IMMP2L: variants seen among roughly 807,000 people sequenced by gnomAD.
IMMP2L encodes the protein inner mitochondrial membrane peptidase subunit 2, also known as mitochondrial inner membrane protease subunit 2.
A neutral mutation model predicts 19.3 loss-of-function variants in IMMP2L; 18 were observed. The ratio of observed to expected loss-of-function variants is 0.93; its 90% CI spans 0.64 to 1.38. The LOEUF is 1.38. Among genes scored for constraint, IMMP2L ranks in the 40% most tolerant of loss-of-function variants. The pLI is 0.00. For synonymous variants in IMMP2L, 76 were observed against 73.0 expected (o/e 1.04, Z -0.21); for missense variants, 233 against 218.2 (o/e 1.07, Z -0.43).
chr7:111,296,121 T>C (rs1258020277), intron 3 of IMMP2L, among the ~76,000 whole-genome samples: 1 of 151,712 alleles, frequency 6.6e-6, no homozygotes, highest in East Asian at 1.9e-4. Flanking sequence ...GAGAAAATAT[T>C]TGCAATAAGT....
chr7:111,456,105 A>G (rs1271328549), intron 3 of IMMP2L, among the ~76,000 whole-genome samples: 2 of 151,900 alleles, frequency 1.3e-5, no homozygotes, highest in Non-Finnish European at 2.9e-5. Flanking sequence ...ACTGCTAGAA[A>G]TTTATGAATC....
chr7:111,121,027 C>A (rs1424416668), intron 3 of IMMP2L, among the ~76,000 whole-genome samples: 1 of 150,480 alleles, frequency 6.6e-6, no homozygotes, highest in African/African-American at 2.4e-5. Flanking sequence ...GAAAATATAA[C>A]AAATAAAATT....
chr7:110,813,839 G>C (rs1431143814), intron 5 of IMMP2L, among the ~76,000 whole-genome samples: 3 of 151,328 alleles, frequency 2.0e-5, no homozygotes, highest in African/African-American at 7.3e-5. Context: ...AATTTGTAAA[G>C]TGCATTTTTT....
chr7:111,427,118 TCGCTAGCGAAGAC>T (rs1406555111), intron 3 of IMMP2L, among the ~76,000 whole-genome samples: 2 of 151,456 alleles, frequency 1.3e-5, no homozygotes, highest in Non-Finnish European at 2.9e-5. Context: ...TTTACGGAGT[TCGCTAGCGAAGAC>T]CTTAGAATTC....
At chr7:110,919,873 C>G (rs746698482) in intron 4 of IMMP2L, among the ~76,000 whole-genome samples, 2 of 152,016 alleles carry the variant, frequency 1.3e-5, no homozygotes, top group Admixed American at 6.6e-5. Flanking sequence ...AGAGGCAGAC[C>G]CATCCTCAAA....
At chr7:110,892,444 G>T (rs563799673) in intron 4 of IMMP2L, among the ~76,000 whole-genome samples, 9 of 152,088 alleles carry the variant, frequency 5.9e-5, no homozygotes, top group African/African-American at 2.2e-4. Context: ...TCTGTACTCC[G>T]CTGCATGGTG....
chr7:111,033,116 T>G (rs977010255), intron 3 of IMMP2L, among the ~76,000 whole-genome samples: 5 of 152,074 alleles, frequency 3.3e-5, no homozygotes, highest in African/African-American at 1.2e-4. Context: ...CGAAACTCCA[T>G]CTCAAATAAT....
At chr7:110,704,986 A>T (rs368608046) in intron 5 of IMMP2L, among the ~76,000 whole-genome samples, 1 of 152,344 alleles carries the variant, frequency 6.6e-6, no homozygotes, top group African/African-American at 2.4e-5. Flanking sequence ...TTCATATTAT[A>T]TAACTGAATG....
chr7:111,179,961 C>T (rs986935534), intron 3 of IMMP2L, among the ~76,000 whole-genome samples: 11 of 151,822 alleles, frequency 7.2e-5, no homozygotes, highest in East Asian at 1.9e-4. Flanking sequence ...TCACCTCTTT[C>T]GGGCTTCACA....
chr7:111,391,914 C>T (rs1377707738), intron 3 of IMMP2L: 3 of 702,740 alleles, frequency 4.3e-6, no homozygotes, highest in Non-Finnish European at 7.8e-6. Context: ...GCACTGCCCG[C>T]CTTGTCCTTG....
chr7:111,518,872 T>A (rs1357366683), intron 2 of IMMP2L, among the ~76,000 whole-genome samples: 1 of 152,110 alleles, frequency 6.6e-6, no homozygotes, highest in Non-Finnish European at 1.5e-5. Flanking sequence ...GAAAATAGCA[T>A]CCTCTTTCCT....
rs1484030865 is a variant in IMMP2L, at chr7:110,712,259, A to G, written c.409-48538T>C. Among the ~76,000 whole-genome samples the G allele has an allele frequency of 9.6e-5, 11 of 115,080 alleles. No homozygotes were observed. The East Asian group carries it at 1.5e-3, about 16-fold the overall frequency. The allele number at this position is 115,080 out of a possible 152,430, so 75.5% of individuals were successfully genotyped here. On this transcript the variant is annotated intron_variant, in intron 5 of 5. Coordinates refer to ENST00000405709, the MANE Select transcript of IMMP2L (RefSeq NM_032549.4). The stretch of plus-strand genomic sequence containing the variant: ...GACCCTCAGCTGCAGGTCTGTTGGA[A>G]TACCCTGCTGTGTGAGGTGTCAGTG...
chr7:110,905,806 C>A (rs1812389687), intron 4 of IMMP2L, among the ~76,000 whole-genome samples: 1 of 152,052 alleles, frequency 6.6e-6, no homozygotes, highest in Non-Finnish European at 1.5e-5. Context: ...TTAAAGTTGG[C>A]AAAGGCATGG....
intron 5 of IMMP2L, among the ~76,000 whole-genome samples, chr7:110,802,033 G>A (rs77735146): frequency 0.022 from 3,299 of 152,100 alleles, 54 homozygotes; most frequent in Middle Eastern, 0.034. Flanking sequence ...GGAGCCCGGG[G>A]CATACACCTG....
chr7:110,930,527 T>C (rs1029727571), intron 4 of IMMP2L, among the ~76,000 whole-genome samples: 2 of 152,146 alleles, frequency 1.3e-5, no homozygotes, highest in African/African-American at 4.8e-5. Flanking sequence ...GTTATATTAT[T>C]TCTACTTTAC....
intron 3 of IMMP2L, among the ~76,000 whole-genome samples, chr7:111,460,360 G>A (rs1840033072): frequency 6.6e-6 from 1 of 151,922 alleles, no homozygotes; most frequent in Non-Finnish European, 1.5e-5. Flanking sequence ...CAAATTCCAA[G>A]AACTAAAAGA....
chr7:111,395,491 TATAAGAA>T (rs1471265295), intron 3 of IMMP2L, among the ~76,000 whole-genome samples: 9 of 152,190 alleles, frequency 5.9e-5, no homozygotes, highest in Non-Finnish European at 1.3e-4. Context: ...AATGTGCTAG[TATAAGAA>T]ATATCTACAT....
At chr7:110,933,760 A>C (rs1815764152) in intron 4 of IMMP2L, among the ~76,000 whole-genome samples, 1 of 152,210 alleles carries the variant, frequency 6.6e-6, no homozygotes, top group Non-Finnish European at 1.5e-5. Flanking sequence ...TTATATAAGG[A>C]GAAAGTACAG....
At chr7:111,055,923 G>A (rs1277600585) in intron 3 of IMMP2L, among the ~76,000 whole-genome samples, 1 of 152,236 alleles carries the variant, frequency 6.6e-6, no homozygotes, top group African/African-American at 2.4e-5. Context: ...TGTATGTGTG[G>A]CAATGACATA....
Sources: gnomAD v4.1 joint callset for allele counts (sites outside exome capture counted in the v4.1 genomes callset) on GRCh38, gnomAD v4.1.1 for gene constraint, MANE v1.5 for transcripts, NCBI Gene and HGNC (gene_info 2026-07-23, HGNC 2026-07-21) for gene names.